ZFP57: variants seen among roughly 807,000 people sequenced by gnomAD.
The protein encoded by ZFP57 is ZFP57 zinc finger protein, also known as zinc finger protein 57 homolog.
A neutral mutation model predicts 15.8 loss-of-function variants in ZFP57; 12 were observed. The observed-to-expected ratio is 0.76, with a 90% CI of 0.49 to 1.23. The LOEUF (loss-of-function observed/expected upper bound fraction) is 1.23, where lower values mean the gene tolerates loss of function less well. ZFP57 is among the 50% of genes most tolerant of loss of function. ZFP57 has a pLI of 0.00. For missense variants in ZFP57, 536 were observed against 654.9 expected, an observed-to-expected ratio of 0.82 and a Z score of 1.98; for synonymous variants, 203 against 242.3, an observed-to-expected ratio of 0.84 and a Z score of 1.51.
At chr6:29,680,057 G>A (rs1013772631) in intron 1 of ZFP57, among the ~76,000 whole-genome samples, 4 of 152,154 alleles carry the variant, frequency 2.6e-5, no homozygotes, top group Admixed American at 2.0e-4. Context: ...TAACCCCCGT[G>A]GGGACTGAAT....
chr6:29,672,772 G>A lies in ZFP57; in HGVS notation c.1339C>T (p.Leu447Phe). 2.5e-6 allele frequency: 4 copies of A among 1,613,064 alleles called. No individual in the cohort carries two copies. Among genetic ancestry groups the A allele is most frequent in the South Asian group, 2.2e-5 (2 of 91,088 alleles). The change falls in exon 5 of 5, where the codon CTC becomes TTC. Residue 447 changes from leucine to phenylalanine, a missense_variant. Transcript: ENST00000376883. The stretch of plus-strand genomic sequence containing the variant: ...AGGCCCTCTTTCTCCCCAAAGGAGA[G>A]GTCACAGATAGGGCAAAGGTAGCTC... ...QKSYLCPICDLSFGEKEGLMD... is the reference protein window; with the variant it reads ...QKSYLCPICDFSFGEKEGLMD...
chr6:29,676,535 CAAAAAAAAAA>C (rs376004982), intron 2 of ZFP57, among the ~76,000 whole-genome samples: 1 of 62,562 alleles, frequency 1.6e-5, no homozygotes, highest in African/African-American at 6.4e-5. Flanking sequence ...GACTCCGTCT[CAAAAAAAAAA>C]AAAAGAAAAA....
rs1772120826 is a variant in ZFP57, at chr6:29,677,226, T to G, written c.-223A>C. The stretch of plus-strand genomic sequence containing the variant: ...TGTCCAAATTCTCCTCTTCCACAAT[T>G]GAGAACAATTTTGCTTCCCTCAAAG... On this transcript the variant is annotated 5_prime_UTR_variant, in exon 2 of 5. Transcript: ENST00000376883. The G allele has an allele frequency of 1.6e-6, 1 of 628,878 alleles. No homozygotes were observed. 39.0% of individuals were successfully genotyped at this position (628,878 alleles called of 1,614,324 possible). A position where few individuals can be genotyped will look rare whatever the true frequency, so the allele number is the denominator to read the frequency against.
rs1772042643 is a variant in ZFP57 at position 29,675,928 on chromosome 6, C to T, written c.250+5G>A. 6.2e-7 allele frequency: 1 copy of T among 1,613,026 alleles called. No individual in the cohort carries two copies. The highest frequency in any genetic ancestry group is 1.7e-5 in the Admixed American group (1 of 59,998). ...GGGCTTGCTGAGGGAAGCCCAGCCT[C>T]TTACCCACAGATGTTAGATTCTTAA... On this transcript the variant is annotated splice_donor_5th_base_variant and intron_variant, in intron 3 of 4. Transcript: ENST00000376883.
In ZFP57 at chr6:29,673,508, C is replaced by T. The variant is rs761061868; in HGVS notation, c.603G>A (p.Leu201=). The T allele has an allele frequency of 8.7e-6, 14 of 1,613,002 alleles. No homozygotes were observed. In the African/African-American group the frequency reaches 1.2e-4, roughly 14 times the overall value. Residue 201 remains leucine, a synonymous_variant, in exon 5 of 5, where the codon CTG becomes CTA. Coordinates refer to ENST00000376883, the MANE Select transcript of ZFP57 (RefSeq NM_001109809.5). The surrounding 1 kb of genome is among the most constrained non-coding windows in gnomAD (Gnocchi z 4.7). Reference sequence around the variant, plus strand: ...TCCCACACTGACTGCAGCTGTTAGTCAGCTTGGGATTGTGAACAAACTGGT... The same window carrying T: ...TCCCACACTGACTGCAGCTGTTAGTTAGCTTGGGATTGTGAACAAACTGGT... ...YSHQFVHNPK[L]TNSCSQCGKL...
rs1361113486 is a variant in ZFP57, at chr6:29,673,347, C to A, written c.764G>T (p.Gly255Val). The A allele has an allele frequency of 2.5e-6, 4 of 1,613,038 alleles. No individual in the cohort carries two copies. The highest frequency in any genetic ancestry group is 2.2e-5 in the East Asian group (1 of 44,880). ...CACAGAGCATGAATGGGGCCGGTAA[C>A]CCAGATGGACGCGGCGGTGACGACT... ...GLSRHRRVHL[G>V]YRPHSCSVCG... Residue 255 changes from glycine to valine, a missense_variant, in exon 5 of 5, where the codon GGT becomes GTT. Physicochemically the swap from Gly to Val is moderately radical, Grantham distance 109. Transcript: ENST00000376883. This position sits in a 1 kb window ranked among gnomAD's most constrained non-coding sequence, Gnocchi z 4.7.
chr6:29,674,296 C>T (rs1771966465), intron 4 of ZFP57, among the ~76,000 whole-genome samples: 1 of 152,210 alleles, frequency 6.6e-6, no homozygotes, highest in Admixed American at 6.5e-5. Flanking sequence ...GCCTAACACA[C>T]TTCTTGTCTC....
intron 3 of ZFP57, 67 bp from the exon 4 acceptor site, chr6:29,675,554 C>T: frequency 8.2e-7 from 1 of 1,226,616 alleles, no homozygotes; most frequent in Non-Finnish European, 1.2e-6. Flanking sequence ...CTGATGGGGA[C>T]AACAGGCTAC....
chr6:29,673,117 G>A lies in ZFP57; in HGVS notation c.994C>T (p.Pro332Ser), dbSNP rs750951540. The part of the protein sequence containing the change: ...NHAPVARSQE[P>S]IFRTEGPMAQ... ...ATAGGACCCTCAGTTCTAAATATGGGTTCCTGGGACCTGGCCACTGGTGCA... is the reference window on the plus strand; with the variant it reads ...ATAGGACCCTCAGTTCTAAATATGGATTCCTGGGACCTGGCCACTGGTGCA... Residue 332 changes from proline to serine, a missense_variant, in exon 5 of 5, where the codon CCC becomes TCC. By Grantham distance (74) the Pro-to-Ser change is moderately conservative. Coordinates refer to ENST00000376883, the MANE Select transcript of ZFP57 (RefSeq NM_001109809.5). The surrounding 1 kb of genome is among the most constrained non-coding windows in gnomAD (Gnocchi z 4.7). 2 of 1,612,938 alleles carry A rather than the reference G, an allele frequency of 1.2e-6. No individual in the cohort carries two copies. The highest frequency in any genetic ancestry group is 1.7e-5 in the Admixed American group (1 of 60,000).
In ZFP57 at chr6:29,672,525, GCCT is replaced by G. The variant is rs1345328002; in HGVS notation, c.1583_1585del (p.Glu528del). On this transcript the variant is annotated inframe_deletion, in exon 5 of 5. Transcript: ENST00000376883. ...TTATTTATGTTTCAAGATGCTCACT[GCCT>G]CCTTTGTTTTGTCTCCTTTGCAGGC... 6.2e-7 allele frequency: 1 copy of G among 1,612,950 alleles called. No individual in the cohort carries two copies.
rs1772155668 is a variant in ZFP57 at position 29,677,887 on chromosome 6, G to A, written c.-363-521C>T. Among the ~76,000 whole-genome samples, 3 of 152,058 alleles carry A rather than the reference G, an allele frequency of 2.0e-5. No homozygotes were observed. The East Asian group carries it at 5.8e-4, about 29-fold the overall frequency. On this transcript the variant is annotated intron_variant, in intron 1 of 4. Coordinates refer to ENST00000376883, the MANE Select transcript of ZFP57 (RefSeq NM_001109809.5). ...GCTTCAGTTACCCATGGTCAACCAT[G>A]GTTCAAAAATATTAAATGAAAAATT...
At position 29,676,959 on chromosome 6, in the gene ZFP57, G is replaced by A; in HGVS notation, c.45C>T (p.Leu15=). ...LKPIEPVQKT[L]PWVGEVAATL... ...TGGCAGCTACCTCGCCCACCCATGG[G>A]AGCGTCTTCTGTACAGGTTCGATTG... The change falls in exon 2 of 5, where the codon CTC becomes CTT. Residue 15 remains leucine (L), a synonymous_variant. Coordinates refer to ENST00000376883, the MANE Select transcript of ZFP57 (RefSeq NM_001109809.5). The A allele has an allele frequency of 6.2e-7, 1 of 1,614,186 alleles. No individual in the cohort carries two copies. The highest frequency in any genetic ancestry group is 1.1e-5 in the South Asian group (1 of 91,082).
chr6:29,674,918 C>T (rs960593517), intron 4 of ZFP57, among the ~76,000 whole-genome samples: 4 of 151,934 alleles, frequency 2.6e-5, no homozygotes, highest in South Asian at 2.1e-4. Context: ...TTTGGGAGGC[C>T]GAGGTGGATG....
At position 29,675,437 on chromosome 6, in the gene ZFP57, CT is replaced by C. The variant is rs776707255; in HGVS notation, c.300del (p.Glu101ArgfsTer31). The C allele has an allele frequency of 6.2e-7, 1 of 1,614,152 alleles. No homozygotes were observed. The highest frequency in any genetic ancestry group is 8.5e-7 in the Non-Finnish European group (1 of 1,180,042). ...KPELITKLEQEEEQWREFVHL... is the reference protein window; with the variant it reads ...KPELITKLEQXEEQWREFVHL... ...TGGACAAACTCTCTCCACTGTTCCTCTTCTTGCTCAAGCTTGGTGATTAGCT... is the reference window on the plus strand; with the variant it reads ...TGGACAAACTCTCTCCACTGTTCCTCTCTTGCTCAAGCTTGGTGATTAGCT... On this transcript the variant is annotated frameshift_variant, in exon 4 of 5. Transcript: ENST00000376883. LOFTEE classifies it high-confidence loss of function.
Position 29,673,829 on chromosome 6 carries a change from C to T in ZFP57, c.353-71G>A. 5 of 1,588,640 alleles carry T rather than the reference C, an allele frequency of 3.1e-6. No individual in the cohort carries two copies. Among genetic ancestry groups the T allele is most frequent in the Non-Finnish European group, 4.3e-6 (5 of 1,159,382 alleles). On this transcript the variant is annotated intron_variant, in intron 4 of 4. Transcript: ENST00000376883. The surrounding 1 kb of genome is among the most constrained non-coding windows in gnomAD (Gnocchi z 4.7). The stretch of plus-strand genomic sequence containing the variant: ...CCAACAGAGGCTTGGCATGGTGGCT[C>T]ACACCTGTAATCCCAGCACTTTGGG...
At chr6:29,675,359 C>T in intron 4 of ZFP57, 27 bp downstream of exon 4, 1 of 1,557,228 alleles carries the variant, frequency 6.4e-7, no homozygotes, top group Non-Finnish European at 8.9e-7. Context: ...GCCCTTTTCC[C>T]CTTCCTCCCT....
chr6:29,676,098 A>ATGTGTGTGTGTGTGTGTG (rs772885845), intron 2 of ZFP57, 39 bp from the exon 3 acceptor site: 71,132 of 1,218,758 alleles, frequency 0.058, 3,349 homozygotes, highest in South Asian at 0.072. Flanking sequence ...TTATATAAAT[A>ATGTGTGTGTGTGTGTGTG]TATATGTGTG....
intron 1 of ZFP57, among the ~76,000 whole-genome samples, chr6:29,678,140 G>C (rs1351185037): frequency 6.6e-6 from 1 of 152,222 alleles, no homozygotes; most frequent in Non-Finnish European, 1.5e-5. Context: ...GGAGGTGGAC[G>C]TTGCCATGAG....
chr6:29,681,118 C>G lies in ZFP57; in HGVS notation c.-420G>C, dbSNP rs2747432. The G allele has an allele frequency of 0.35, 53,040 of 151,528 alleles. 9,816 individuals carry two copies. The highest frequency in any genetic ancestry group is 0.43 in the Middle Eastern group (127 of 292). The allele number at this position is 151,528 out of a possible 1,614,324, so 9.4% of individuals were successfully genotyped here. On this transcript the variant is annotated 5_prime_UTR_variant, in exon 1 of 5. Transcript: ENST00000376883. The stretch of plus-strand genomic sequence containing the variant: ...CACAGGGTCTCCCGGGGACCAGCGG[C>G]TGGAGCGCTCCGGCCGAGCACCCGC...
Sources: allele counts gnomAD v4.1 joint callset (sites outside exome capture counted in the v4.1 genomes callset), GRCh38; gene constraint gnomAD v4.1.1; non-coding constraint Gnocchi (gnomAD v3.1); transcripts MANE v1.5; gene names NCBI Gene and HGNC (gene_info 2026-07-23, HGNC 2026-07-21).